ARHGAP26: variants seen among roughly 807,000 people sequenced by gnomAD.
ARHGAP26 encodes rho GTPase-activating protein 26.
ARHGAP26 carries 38 observed loss-of-function variants against 104.8 expected under a neutral mutation model. That is an observed-to-expected ratio of 0.36 (90% CI 0.28 to 0.48). The LOEUF is 0.48. Ranked by LOEUF, ARHGAP26 falls within the 20% of genes least tolerant of loss-of-function variation. The probability of loss-of-function intolerance (pLI) is 0.99; values close to 1 mark genes in which losing one functional copy is unlikely to be tolerated. For synonymous variants in ARHGAP26, 341 were observed against 340.0 expected (o/e 1.00, Z -0.03); for missense variants, 704 against 947.9 (o/e 0.74, Z 3.38).
chr5:142,866,483 A>G (rs4912882), intron 1 of ARHGAP26, among the ~76,000 whole-genome samples: 20,719 of 152,198 alleles, frequency 0.14, 1,707 homozygotes, highest in East Asian at 0.25. Context: ...TAGGTACAGT[A>G]TTCAGTAAGT....
chr5:142,931,534 G>T (rs1764716113), intron 10 of ARHGAP26, among the ~76,000 whole-genome samples: 1 of 152,138 alleles, frequency 6.6e-6, no homozygotes, highest in South Asian at 2.1e-4. Context: ...TAACTACCAA[G>T]ATGATGACCA....
intron 15 of ARHGAP26, among the ~76,000 whole-genome samples, chr5:143,054,927 A>G (rs1287418411): frequency 6.6e-6 from 1 of 152,254 alleles, no homozygotes; most frequent in Admixed American, 6.5e-5. Context: ...CACAGAGTAC[A>G]TTGCTGACAA....
chr5:143,173,142 T>G (rs900333065), intron 20 of ARHGAP26: 3 of 168,230 alleles, frequency 1.8e-5, no homozygotes, highest in African/African-American at 7.2e-5. Flanking sequence ...CCTCACCCTC[T>G]GGGCTGCATC....
chr5:143,164,750 C>T (rs1415528021), intron 20 of ARHGAP26, among the ~76,000 whole-genome samples: 1 of 152,186 alleles, frequency 6.6e-6, no homozygotes. Context: ...CCTGATGAAA[C>T]TCAGAGCCAG....
chr5:143,022,277 T>C lies in ARHGAP26; in HGVS notation c.1144+8161T>C, dbSNP rs187554284. On this transcript the variant is annotated intron_variant, in intron 12 of 22. Coordinates refer to ENST00000645722, the MANE Select transcript of ARHGAP26 (RefSeq NM_001135608.3). ...TAGTAGAGATGGGGTTTCACCATGT[T>C]GGCCAGGCTGGTCTCGGACTCCTGA... Among the ~76,000 whole-genome samples the C allele has an allele frequency of 7.7e-3, 1,167 of 152,238 alleles. 12 individuals carry two copies. The highest frequency in any genetic ancestry group is 0.057 in the South Asian group (276 of 4,810).
chr5:142,985,094 G>T lies in ARHGAP26; in HGVS notation c.1108-28986G>T, dbSNP rs1026692632. Among the ~76,000 whole-genome samples the T allele has an allele frequency of 4.5e-4, 68 of 152,132 alleles. 1 individual carries two copies. Among genetic ancestry groups the T allele is most frequent in the Non-Finnish European group, 2.4e-4 (16 of 67,978 alleles). ...ATGTGGATGATCCTGACCCTGTGTA[G>T]GCCTAGGCTAATGTTTGTGTTTGCG... is the stretch of plus-strand genomic sequence containing the variant. On this transcript the variant is annotated intron_variant, in intron 11 of 22. Transcript: ENST00000645722.
chr5:143,011,947 C>T (rs1229214307), intron 11 of ARHGAP26, among the ~76,000 whole-genome samples: 1 of 152,180 alleles, frequency 6.6e-6, no homozygotes, highest in Admixed American at 6.5e-5. Context: ...GGCACAGTCT[C>T]ATTTGATGTT....
rs537765137 is a variant in ARHGAP26, at chr5:143,042,374, C to G, written c.1285+484C>G. 5.3e-5 allele frequency among the ~76,000 whole-genome samples: 8 copies of G among 152,338 alleles called. No individual in the cohort carries two copies. In the East Asian group the frequency reaches 1.5e-3, roughly 29 times the overall value. ...AAATATATATAACCAGAGAAATCTTCTGATCCTCTTTGCTTCTAGATTTCA... is the reference window on the plus strand; with the variant it reads ...AAATATATATAACCAGAGAAATCTTGTGATCCTCTTTGCTTCTAGATTTCA... On this transcript the variant is annotated intron_variant, in intron 14 of 22. Coordinates refer to ENST00000645722, the MANE Select transcript of ARHGAP26 (RefSeq NM_001135608.3).
intron 20 of ARHGAP26, among the ~76,000 whole-genome samples, chr5:143,186,715 C>T (rs1599420901): frequency 2.0e-5 from 3 of 152,324 alleles, no homozygotes; most frequent in East Asian, 3.9e-4. Context: ...ACTGGTAATA[C>T]AACCTGAGCA....
intron 10 of ARHGAP26, among the ~76,000 whole-genome samples, chr5:142,928,562 A>C (rs1267816320): frequency 6.6e-6 from 1 of 152,186 alleles, no homozygotes; most frequent in Admixed American, 6.5e-5. Flanking sequence ...CGGTGCCATC[A>C]CATTTGCCAT....
intron 1 of ARHGAP26, among the ~76,000 whole-genome samples, chr5:142,872,369 G>T (rs567159355): frequency 6.6e-6 from 1 of 152,160 alleles, no homozygotes; most frequent in Admixed American, 6.5e-5. Flanking sequence ...GCCAGGCCTT[G>T]TTGCTGGTTC....
At chr5:142,812,536 C>T (rs1170321502) in intron 1 of ARHGAP26, among the ~76,000 whole-genome samples, 1 of 145,228 alleles carries the variant, frequency 6.9e-6, no homozygotes, top group African/African-American at 2.7e-5. Flanking sequence ...TGGGGTTTTG[C>T]CATGTTGGCC....
At chr5:142,794,756 A>G (rs1202637031) in intron 1 of ARHGAP26, among the ~76,000 whole-genome samples, 1 of 152,206 alleles carries the variant, frequency 6.6e-6, no homozygotes, top group Non-Finnish European at 1.5e-5. Context: ...AAAATGATGT[A>G]TGAGAACTAT....
At chr5:143,069,420 C>T (rs1787945608) in intron 17 of ARHGAP26, among the ~76,000 whole-genome samples, 4 of 152,108 alleles carry the variant, frequency 2.6e-5, no homozygotes, top group Admixed American at 2.6e-4. Flanking sequence ...TCAAGCACTA[C>T]CTTTATGATG....
At chr5:143,130,069 G>A (rs1043578722) in intron 18 of ARHGAP26, among the ~76,000 whole-genome samples, 1 of 152,182 alleles carries the variant, frequency 6.6e-6, no homozygotes, top group African/African-American at 2.4e-5. Flanking sequence ...GTCAGTGATG[G>A]TGAGGTCCGT....
At chr5:143,138,455 G>A (rs1044345068) in intron 19 of ARHGAP26, among the ~76,000 whole-genome samples, 3 of 152,210 alleles carry the variant, frequency 2.0e-5, no homozygotes, top group African/African-American at 7.2e-5. Context: ...ATTTTAGTGA[G>A]GAAGGAGCTA....
At position 142,770,610 on chromosome 5, in the gene ARHGAP26, C is replaced by G; in HGVS notation, c.-152C>G. 1 of 444,218 alleles carries G rather than the reference C, an allele frequency of 2.3e-6. No homozygotes were observed. The highest frequency in any genetic ancestry group is 3.1e-6 in the Non-Finnish European group (1 of 324,642). 27.5% of individuals were successfully genotyped at this position (444,218 alleles called of 1,614,324 possible). A position where few individuals can be genotyped will look rare whatever the true frequency, so the allele number is the denominator to read the frequency against. The stretch of plus-strand genomic sequence containing the variant: ...TCGGTTCGGGAGTCTTGCGCGCCGG[C>G]GGACACCGCGCGCGGAGTGAGCCAG... On this transcript the variant is annotated 5_prime_UTR_variant, in exon 1 of 23. Transcript: ENST00000645722.
intron 1 of ARHGAP26, among the ~76,000 whole-genome samples, chr5:142,858,949 C>T (rs930854158): frequency 4.6e-5 from 7 of 152,080 alleles, no homozygotes; most frequent in African/African-American, 1.2e-4. Flanking sequence ...GCTTTGTGGC[C>T]GGATGGATTG....
intron 22 of ARHGAP26, chr5:143,216,916 T>C (rs1810427678): frequency 6.6e-6 from 1 of 152,432 alleles, no homozygotes; most frequent in Non-Finnish European, 1.5e-5. Context: ...ACAGACCCTC[T>C]TCCTCCCCAC....
Sources: allele counts gnomAD v4.1 joint callset (sites outside exome capture counted in the v4.1 genomes callset), GRCh38; gene constraint gnomAD v4.1.1; transcripts MANE v1.5; gene names NCBI Gene and HGNC (gene_info 2026-07-23, HGNC 2026-07-21).